The following JAK1 variants were observed in gnomAD, a reference collection of about 807,000 sequenced individuals.
JAK1 encodes tyrosine-protein kinase JAK1.
A neutral mutation model predicts 136.6 loss-of-function variants in JAK1; 16 were observed. That is an observed-to-expected ratio of 0.12 (90% CI 0.08 to 0.18). JAK1 has a LOEUF of 0.18. Among genes scored for constraint, JAK1 ranks in the 10% least tolerant of loss-of-function variants. JAK1 has a pLI of 1.00. For synonymous variants in JAK1, 492 were observed against 519.5 expected, an observed-to-expected ratio of 0.95 and a Z score of 0.72; for missense variants, 859 against 1,450.1, an observed-to-expected ratio of 0.59 and a Z score of 6.62.
chr1:64,938,843 A>T (rs6675638), intron 1 of JAK1, among the ~76,000 whole-genome samples: 148,645 of 152,312 alleles, frequency 0.98, 72,607 homozygotes, highest in East Asian at 1. Context: ...TGTCTCAGGA[A>T]CTGTTTTCTA....
At chr1:64,981,477 G>A (rs1569812630) in intron 2 of JAK1, among the ~76,000 whole-genome samples, 1 of 152,312 alleles carries the variant, frequency 6.6e-6, no homozygotes, top group Non-Finnish European at 1.5e-5. Context: ...TTGGTCTGTT[G>A]AGCCTCAACC....
At chr1:65,028,484 G>A (rs918062461) in intron 2 of JAK1, among the ~76,000 whole-genome samples, 2 of 122,874 alleles carry the variant, frequency 1.6e-5, no homozygotes, top group Admixed American at 9.7e-5. Context: ...AGGAAGGAAG[G>A]GAGGGAGGGA....
intron 2 of JAK1, among the ~76,000 whole-genome samples, chr1:65,043,084 T>A (rs910201121): frequency 6.6e-6 from 1 of 152,182 alleles, no homozygotes; most frequent in Admixed American, 6.5e-5. Context: ...AAGTAGATCA[T>A]GGAATCTAAT....
At chr1:64,972,184 G>A (rs1314300464) in intron 2 of JAK1, 2 of 152,148 alleles carry the variant, frequency 1.3e-5, no homozygotes, top group Admixed American at 1.3e-4. Context: ...CATGCACATT[G>A]ATATGTTAAA....
intron 2 of JAK1, among the ~76,000 whole-genome samples, chr1:65,027,069 T>C (rs1004365475): frequency 6.6e-6 from 1 of 151,858 alleles, no homozygotes; most frequent in Non-Finnish European, 1.5e-5. Flanking sequence ...TTTTTTTAGA[T>C]GGAGTATCAC....
intron 12 of JAK1, chr1:64,848,172 A>G (rs555600744): frequency 4.5e-5 from 7 of 155,094 alleles, no homozygotes; most frequent in African/African-American, 1.7e-4. Context: ...AATGGAGGTA[A>G]TAATGGTACT....
At chr1:65,011,282 CCT>C (rs1291164045) in intron 2 of JAK1, among the ~76,000 whole-genome samples, 6 of 151,986 alleles carry the variant, frequency 3.9e-5, no homozygotes, top group African/African-American at 1.5e-4. Flanking sequence ...TTGAGACCAG[CCT>C]GAGCAACATC....
intron 1 of JAK1, among the ~76,000 whole-genome samples, chr1:65,059,179 G>A (rs754010943): frequency 6.6e-6 from 1 of 150,836 alleles, no homozygotes; most frequent in Non-Finnish European, 1.5e-5. Flanking sequence ...ATTTGCCAGA[G>A]ATCATATATT....
chr1:64,956,226 G>A (rs1646185078), intron 1 of JAK1, among the ~76,000 whole-genome samples: 1 of 152,334 alleles, frequency 6.6e-6, no homozygotes, highest in South Asian at 2.1e-4. Context: ...GGTTTTCAGG[G>A]TGGTGGATAG....
At chr1:65,042,655 T>G (rs1647145708) in intron 2 of JAK1, among the ~76,000 whole-genome samples, 1 of 152,200 alleles carries the variant, frequency 6.6e-6, no homozygotes, top group African/African-American at 2.4e-5. Context: ...TAGGTACCTG[T>G]CAAATCCAGA....
chr1:65,055,165 C>G (rs1353112298), intron 1 of JAK1, among the ~76,000 whole-genome samples: 1 of 152,164 alleles, frequency 6.6e-6, no homozygotes, highest in South Asian at 2.1e-4. Context: ...CTCCATTCCC[C>G]CCTCTCCCCC....
chr1:64,986,340 C>A (rs1646599529), intron 2 of JAK1, among the ~76,000 whole-genome samples: 2 of 152,134 alleles, frequency 1.3e-5, no homozygotes, highest in Admixed American at 6.5e-5. Flanking sequence ...CTCCTGACTT[C>A]AGGTGACTCA....
At chr1:65,016,317 T>C (rs1336844691) in intron 2 of JAK1, among the ~76,000 whole-genome samples, 1 of 152,160 alleles carries the variant, frequency 6.6e-6, no homozygotes, top group Non-Finnish European at 1.5e-5. Context: ...CACTAAATTG[T>C]ACCCTTAAAA....
At chr1:64,843,963 C>T in intron 17 of JAK1, 101 bp downstream of exon 17, 2 of 1,332,308 alleles carry the variant, frequency 1.5e-6, no homozygotes, top group Non-Finnish European at 2.1e-6. Context: ...CAAACCCATG[C>T]CCATCTCTTC....
intron 1 of JAK1, among the ~76,000 whole-genome samples, chr1:64,965,699 C>T (rs1405692846): frequency 1.3e-5 from 2 of 152,148 alleles, no homozygotes; most frequent in African/African-American, 4.8e-5. Context: ...GGTCCTCTCG[C>T]CCAGGGTCTC....
At chr1:64,874,667 C>G (rs962165938) in intron 4 of JAK1, among the ~76,000 whole-genome samples, 1 of 152,304 alleles carries the variant, frequency 6.6e-6, no homozygotes, top group South Asian at 2.1e-4. Context: ...CTGTAGGCTA[C>G]AGACTCAGCT....
intron 1 of JAK1, among the ~76,000 whole-genome samples, chr1:64,926,086 C>A (rs1332415077): frequency 6.6e-6 from 1 of 152,172 alleles, no homozygotes; most frequent in East Asian, 1.9e-4. Flanking sequence ...CAAATTAGAT[C>A]TTTAAACCAA....
chr1:64,834,418 T>A lies in JAK1; in HGVS notation c.*144A>T. ...TAAGCACTACAGTGTGCCTTATACATGTATATGTACTGAAGTATGAGTTCA... is the reference window on the plus strand; with the variant it reads ...TAAGCACTACAGTGTGCCTTATACAAGTATATGTACTGAAGTATGAGTTCA... On this transcript the variant is annotated 3_prime_UTR_variant, in exon 25 of 25. Coordinates refer to ENST00000342505, the MANE Select transcript of JAK1 (RefSeq NM_002227.4). The A allele has an allele frequency of 1.6e-6, 1 of 606,366 alleles. No homozygotes were observed. The highest frequency in any genetic ancestry group is 1.9e-5 in the African/African-American group (1 of 54,020). The allele number at this position is 606,366 out of a possible 1,614,324, so 37.6% of individuals were successfully genotyped here.
In JAK1 at chr1:64,956,593, A is replaced by G. The variant is rs145482758; in HGVS notation, c.-78+9740T>C. 8.5e-5 allele frequency among the ~76,000 whole-genome samples: 13 copies of G among 152,258 alleles called. No homozygotes were observed. The East Asian group carries it at 2.5e-3, about 29-fold the overall frequency. On this transcript the variant is annotated intron_variant, in intron 1 of 24. Transcript: ENST00000342505. Reference sequence around the variant, plus strand: ...CTCTATTGCACTTATCACCACCTGAAATTATCTTGTTTATCAATGTGTTTA... The same window carrying G: ...CTCTATTGCACTTATCACCACCTGAGATTATCTTGTTTATCAATGTGTTTA...
Sources: gnomAD v4.1 joint callset for allele counts (sites outside exome capture counted in the v4.1 genomes callset) on GRCh38, gnomAD v4.1.1 for gene constraint, MANE v1.5 for transcripts, NCBI Gene and HGNC (gene_info 2026-07-23, HGNC 2026-07-21) for gene names.